The following ASTN2 variants were observed in gnomAD, a reference collection of about 807,000 sequenced individuals.
The protein encoded by ASTN2 is astrotactin 2.
A neutral mutation model predicts 139.8 loss-of-function variants in ASTN2; 54 were observed. The ratio of observed to expected loss-of-function variants is 0.39; its 90% CI spans 0.31 to 0.48. The LOEUF is 0.48. ASTN2 is among the 20% of genes least tolerant of loss of function. The pLI is 0.95. For synonymous variants in ASTN2, 756 were observed against 719.5 expected, an observed-to-expected ratio of 1.05 and a Z score of -0.81; for missense variants, 1,565 against 1,725.1, an observed-to-expected ratio of 0.91 and a Z score of 1.64.
intron 1 of ASTN2, among the ~76,000 whole-genome samples, chr9:117,319,795 C>T (rs978341366): frequency 6.6e-6 from 1 of 151,948 alleles, no homozygotes; most frequent in Non-Finnish European, 1.5e-5. Flanking sequence ...TCAGCAAGAC[C>T]CCATTAGACA....
At chr9:117,026,989 A>T (rs1043968369) in intron 6 of ASTN2, among the ~76,000 whole-genome samples, 1 of 152,174 alleles carries the variant, frequency 6.6e-6, no homozygotes, top group Non-Finnish European at 1.5e-5. Flanking sequence ...TGGCAGTGAG[A>T]TTCTGTAGCC....
At chr9:116,996,648 A>T (rs1457675859) in intron 7 of ASTN2, among the ~76,000 whole-genome samples, 1 of 152,142 alleles carries the variant, frequency 6.6e-6, no homozygotes, top group Non-Finnish European at 1.5e-5. Flanking sequence ...AAACAGCACC[A>T]TCACTAACTC....
intron 1 of ASTN2, among the ~76,000 whole-genome samples, chr9:117,392,988 C>T (rs1052433612): frequency 3.3e-5 from 5 of 152,172 alleles, no homozygotes; most frequent in Admixed American, 3.3e-4. Flanking sequence ...GTCATGGTGG[C>T]CTCTAAGTTC....
chr9:116,718,966 G>GTATATATA (rs1219672903), intron 16 of ASTN2, among the ~76,000 whole-genome samples: 1 of 31,772 alleles, frequency 3.1e-5, no homozygotes, highest in African/African-American at 1.3e-4. Context: ...ATCTATACCT[G>GTATATATA]TATCTGTACA....
At chr9:116,729,980 G>T (rs759340980) in intron 14 of ASTN2, among the ~76,000 whole-genome samples, 1 of 152,132 alleles carries the variant, frequency 6.6e-6, no homozygotes, top group Non-Finnish European at 1.5e-5. Flanking sequence ...AAGACACAAC[G>T]AAGTGTTAGC....
At chr9:117,079,307 G>A (rs192417025) in intron 5 of ASTN2, among the ~76,000 whole-genome samples, 4 of 152,210 alleles carry the variant, frequency 2.6e-5, no homozygotes, top group South Asian at 4.2e-4. Context: ...TGTGAGCTGC[G>A]ATGGCACCAC....
intron 1 of ASTN2, among the ~76,000 whole-genome samples, chr9:117,317,797 A>G (rs1391661833): frequency 6.6e-6 from 1 of 152,166 alleles, no homozygotes; most frequent in Non-Finnish European, 1.5e-5. Flanking sequence ...CAGAGAGCCC[A>G]GCCCTCTACA....
At chr9:117,225,290 T>A (rs1588105633) in intron 2 of ASTN2, among the ~76,000 whole-genome samples, 2 of 151,762 alleles carry the variant, frequency 1.3e-5, no homozygotes, top group Non-Finnish European at 2.9e-5. Context: ...CAAGTCAGCA[T>A]CCCACTACAT....
chr9:116,952,860 G>A (rs937176464), intron 10 of ASTN2, among the ~76,000 whole-genome samples: 4 of 152,196 alleles, frequency 2.6e-5, no homozygotes, highest in African/African-American at 7.2e-5. Context: ...CTCAGCCACC[G>A]GTGACTCTGA....
At chr9:117,382,231 TG>T (rs1830292640) in intron 1 of ASTN2, among the ~76,000 whole-genome samples, 1 of 151,948 alleles carries the variant, frequency 6.6e-6, no homozygotes, top group Non-Finnish European at 1.5e-5. Context: ...GAGTGGGTGA[TG>T]GGGTTGGCAT....
At chr9:116,540,501 G>A (rs963473199) in intron 19 of ASTN2, 1 of 152,228 alleles carries the variant, frequency 6.6e-6, no homozygotes, top group Non-Finnish European at 1.5e-5. Context: ...CGGGCCTGTG[G>A]TCAAAATGTG....
intron 2 of ASTN2, among the ~76,000 whole-genome samples, chr9:117,240,381 G>A (rs1276633745): frequency 1.3e-5 from 2 of 152,300 alleles, no homozygotes; most frequent in Non-Finnish European, 2.9e-5. Context: ...GTTGAAAAAG[G>A]AGGAACTGAG....
chr9:116,477,502 T>C (rs746958348), intron 20 of ASTN2, among the ~76,000 whole-genome samples: 1 of 152,006 alleles, frequency 6.6e-6, no homozygotes, highest in Non-Finnish European at 1.5e-5. Flanking sequence ...TAAATTGCCA[T>C]TCAGCCCAGA....
chr9:116,818,186 AGCT>A (rs1400851631), intron 12 of ASTN2, among the ~76,000 whole-genome samples: 2 of 152,264 alleles, frequency 1.3e-5, no homozygotes, highest in Non-Finnish European at 2.9e-5. Context: ...AGTAAATGTT[AGCT>A]GCTATTATTA....
intron 1 of ASTN2, among the ~76,000 whole-genome samples, chr9:117,324,322 G>A (rs560351377): frequency 3.6e-4 from 55 of 152,278 alleles, no homozygotes; most frequent in Non-Finnish European, 6.5e-4. Context: ...AAGATATTAC[G>A]TGAGACTGGG....
chr9:117,131,778 C>A (rs539913040), intron 4 of ASTN2, among the ~76,000 whole-genome samples: 1 of 152,262 alleles, frequency 6.6e-6, no homozygotes, highest in Middle Eastern at 3.4e-3. Context: ...TACCCCTGAA[C>A]CAATGTATAC....
intron 1 of ASTN2, among the ~76,000 whole-genome samples, chr9:117,355,437 C>A (rs775752479): frequency 9.2e-5 from 14 of 152,124 alleles, no homozygotes; most frequent in Non-Finnish European, 2.1e-4. Context: ...ACGCTGTGTG[C>A]TGGATAATAC....
chr9:116,440,751 T>C lies in ASTN2; in HGVS notation c.3640A>G (p.Ser1214Gly). The C allele has an allele frequency of 6.2e-7, 1 of 1,614,160 alleles. No homozygotes were observed. The highest frequency in any genetic ancestry group is 8.5e-7 in the Non-Finnish European group (1 of 1,180,014). Residue 1214 changes from serine (S) to glycine (G), a missense_variant, in exon 22 of 23, where the codon AGT becomes GGT. Transcript: ENST00000313400. ...TAGGCCATCTGCTGCTCCTTTCCACTTGTGTACCCATTGTACAGATTGTAG... is the reference window on the plus strand; with the variant it reads ...TAGGCCATCTGCTGCTCCTTTCCACCTGTGTACCCATTGTACAGATTGTAG... ...KIYNLYNGYT[S>G]GKEQQMAYNT...
intron 19 of ASTN2, among the ~76,000 whole-genome samples, chr9:116,577,852 T>C (rs1853783440): frequency 6.6e-6 from 1 of 152,146 alleles, no homozygotes; most frequent in African/African-American, 2.4e-5. Context: ...TCTCTTCTGA[T>C]AATCTCAGGT....
Sources: allele counts gnomAD v4.1 joint callset (sites outside exome capture counted in the v4.1 genomes callset), GRCh38; gene constraint gnomAD v4.1.1; transcripts MANE v1.5; gene names NCBI Gene and HGNC (gene_info 2026-07-23, HGNC 2026-07-21).